ZNF678: variants seen among roughly 807,000 people sequenced by gnomAD.
The protein encoded by ZNF678 is zinc finger protein 678.
Under a neutral mutation model 3.0 loss-of-function variants are expected in ZNF678, and 5 were observed. The ratio of observed to expected loss-of-function variants is 1.69; its 90% CI spans 0.88 to 3.56. The LOEUF is 3.56. Ranked by LOEUF, ZNF678 falls within the 30% of genes most tolerant of loss-of-function variation. ZNF678 has a pLI of 0.00. For synonymous variants in ZNF678, 218 were observed against 199.6 expected (o/e 1.09, Z -0.78); for missense variants, 593 against 605.0 (o/e 0.98, Z 0.21).
chr1:227,606,453 C>T (rs766022424), intron 1 of ZNF678, among the ~76,000 whole-genome samples: 1 of 152,174 alleles, frequency 6.6e-6, no homozygotes. Flanking sequence ...AGCCACAGGG[C>T]GGTTTTCTCC....
At chr1:227,664,959 C>G (rs1007707763), downstream of ZNF678, among the ~76,000 whole-genome samples, 2 of 152,172 alleles carry the variant, frequency 1.3e-5, no homozygotes, top group African/African-American at 4.8e-5. Context: ...TGTGGTGACA[C>G]AGCTGGATCA....
intron 1 of ZNF678, among the ~76,000 whole-genome samples, chr1:227,609,979 C>T (rs1277892567): frequency 3.9e-5 from 6 of 152,236 alleles, no homozygotes; most frequent in African/African-American, 4.8e-5. Flanking sequence ...GTGATCTGCC[C>T]GCCTCCGCTT....
intron 5 of ZNF678, among the ~76,000 whole-genome samples, chr1:227,669,922 T>G (rs926969211): frequency 1.3e-5 from 2 of 152,158 alleles, no homozygotes; most frequent in Non-Finnish European, 2.9e-5. Flanking sequence ...ACTGCAGTAC[T>G]CACAGTAGCA....
rs192755118 is a variant in ZNF678, at chr1:227,563,884, C to T, written c.-164+160C>T. Among the ~76,000 whole-genome samples the T allele has an allele frequency of 2.2e-3, 342 of 152,334 alleles. 2 individuals are homozygous for T. Among genetic ancestry groups the T allele is most frequent in the African/African-American group, 7.6e-3 (318 of 41,576 alleles). ...CGGGATTCTCCTCCCATCACTGCGC[C>T]GCGGCTTCCGCCCCGGCCTCTCTGG... On this transcript the variant is annotated intron_variant, in intron 1 of 3. Transcript: ENST00000343776.
At position 227,654,526 on chromosome 1, in the gene ZNF678, TA is replaced by T. The variant is rs752412391; in HGVS notation, c.280del (p.Ser94AlafsTer47). The T allele has an allele frequency of 5.6e-6, 9 of 1,613,370 alleles. No individual in the cohort carries two copies. In the South Asian group the frequency reaches 8.8e-5, roughly 16 times the overall value. On this transcript the variant is annotated frameshift_variant, in exon 4 of 4. Transcript: ENST00000343776. LOFTEE classifies it low-confidence loss of function (END_TRUNC). The stretch of plus-strand genomic sequence containing the variant: ...ATAGACTTACTCAATGTTCATCAAC[TA>T]AAAGCAAAATCTTTCAATGTATTGA... ...CNRLTQCSST[K>X]SKIFQCIECG...
intron 1 of ZNF678, among the ~76,000 whole-genome samples, chr1:227,564,477 C>T (rs1656617681): frequency 6.6e-6 from 1 of 152,246 alleles, no homozygotes; most frequent in African/African-American, 2.4e-5. Flanking sequence ...TGCTTTTCCC[C>T]TGCATTTTCC....
At chr1:227,596,947 G>GT (rs1323304296) in intron 1 of ZNF678, among the ~76,000 whole-genome samples, 3 of 152,192 alleles carry the variant, frequency 2.0e-5, no homozygotes, top group Non-Finnish European at 4.4e-5. Context: ...CATAATAAAA[G>GT]TTTTTTCTAA....
chr1:227,616,958 G>A (rs558365490), intron 1 of ZNF678, among the ~76,000 whole-genome samples: 2 of 152,290 alleles, frequency 1.3e-5, no homozygotes, highest in South Asian at 2.1e-4. Flanking sequence ...GCTGTACAAG[G>A]TGCTCTGCCA....
chr1:227,632,567 G>A (rs1487020709), intron 1 of ZNF678, among the ~76,000 whole-genome samples: 1 of 152,078 alleles, frequency 6.6e-6, no homozygotes, highest in Non-Finnish European at 1.5e-5. Flanking sequence ...GAAAGTGGAA[G>A]CTAGTTCCAG....
chr1:227,579,262 T>A (rs1310139940), intron 1 of ZNF678, among the ~76,000 whole-genome samples: 1 of 152,008 alleles, frequency 6.6e-6, no homozygotes, highest in East Asian at 1.9e-4. Context: ...GCAGAGTGTG[T>A]GTGCCATTGT....
chr1:227,665,732 A>AT (rs1353493685), downstream of ZNF678, among the ~76,000 whole-genome samples: 1 of 152,202 alleles, frequency 6.6e-6, no homozygotes, highest in South Asian at 2.1e-4. Context: ...AGCTATTAAT[A>AT]TTTTTTGTGA....
intron 1 of ZNF678, among the ~76,000 whole-genome samples, chr1:227,613,559 A>G (rs1658075083): frequency 6.6e-6 from 1 of 152,234 alleles, no homozygotes; most frequent in Admixed American, 6.5e-5. Flanking sequence ...CTCCAGAATC[A>G]ACCCTGGTTG....
At chr1:227,593,270 A>G (rs1657464805) in intron 1 of ZNF678, among the ~76,000 whole-genome samples, 1 of 152,254 alleles carries the variant, frequency 6.6e-6, no homozygotes, top group Non-Finnish European at 1.5e-5. Flanking sequence ...TAATGTGCAG[A>G]TGGATTATTT....
intron 1 of ZNF678, among the ~76,000 whole-genome samples, chr1:227,604,184 G>A (rs937883864): frequency 1.3e-5 from 2 of 152,158 alleles, no homozygotes; most frequent in Non-Finnish European, 2.9e-5. Flanking sequence ...TCTCTTTTGG[G>A]CACATGAGTG....
chr1:227,628,172 T>C (rs1304723155), intron 1 of ZNF678, among the ~76,000 whole-genome samples: 1 of 152,258 alleles, frequency 6.6e-6, no homozygotes, highest in African/African-American at 2.4e-5. Flanking sequence ...CTGCTACTGC[T>C]GCCACTACCT....
intron 3 of ZNF678, among the ~76,000 whole-genome samples, chr1:227,651,700 A>AG (rs1659096591): frequency 6.6e-6 from 1 of 152,172 alleles, no homozygotes. Context: ...TTGTGCTTTT[A>AG]GCAGGGTATT....
chr1:227,629,254 G>A (rs1658494079), intron 1 of ZNF678, among the ~76,000 whole-genome samples: 1 of 152,152 alleles, frequency 6.6e-6, no homozygotes, highest in African/African-American at 2.4e-5. Flanking sequence ...AAGGGAATGG[G>A]CATTCTTTAC....
At chr1:227,627,731 C>T (rs1316295918) in intron 1 of ZNF678, among the ~76,000 whole-genome samples, 1 of 152,200 alleles carries the variant, frequency 6.6e-6, no homozygotes, top group Non-Finnish European at 1.5e-5. Flanking sequence ...GCTATTAATT[C>T]TGCCAGCTGA....
Position 227,598,148 on chromosome 1 carries a change from G to A in ZNF678, c.-164+34424G>A, listed in dbSNP as rs141312706. On this transcript the variant is annotated intron_variant, in intron 1 of 3. Transcript: ENST00000343776. ...TATCCTAGGACACTTCTAGCTAAAA[G>A]TATTAATTTTATTCCCAAATAACCA... Among the ~76,000 whole-genome samples the A allele has an allele frequency of 3.4e-3, 516 of 152,270 alleles. 1 individual carries two copies. The highest frequency in any genetic ancestry group is 6.1e-3 in the Non-Finnish European group (414 of 68,028).
Sources: gnomAD v4.1 joint callset for allele counts (sites outside exome capture counted in the v4.1 genomes callset) on GRCh38, gnomAD v4.1.1 for gene constraint, MANE v1.5 for transcripts, NCBI Gene and HGNC (gene_info 2026-07-23, HGNC 2026-07-21) for gene names.